Variants in KLHL1 observed in about 807,000 individuals in gnomAD.
KLHL1 encodes the protein kelch like family member 1.
In KLHL1, 47 loss-of-function variants were observed where a neutral mutation model predicts 77.7. The observed-to-expected ratio is 0.60, with a 90% CI of 0.48 to 0.77. The LOEUF (loss-of-function observed/expected upper bound fraction) is 0.77, where lower values mean the gene tolerates loss of function less well. Among genes scored for constraint, KLHL1 ranks in the 30% least tolerant of loss-of-function variants. The probability of loss-of-function intolerance (pLI) is 0.00; values close to 1 mark genes in which losing one functional copy is unlikely to be tolerated. For missense variants in KLHL1, 925 were observed against 910.8 expected, an observed-to-expected ratio of 1.02 and a Z score of -0.20; for synonymous variants, 360 against 325.2, an observed-to-expected ratio of 1.11 and a Z score of -1.15.
chr13:69,884,889 C>T (rs114292927), intron 4 of KLHL1, among the ~76,000 whole-genome samples: 122 of 151,374 alleles, frequency 8.1e-4, no homozygotes, highest in African/African-American at 2.6e-3. Context: ...CTTTTTCAGA[C>T]AGCTCTGATA....
At chr13:69,805,697 A>C (rs73212517) in intron 6 of KLHL1, among the ~76,000 whole-genome samples, 54,718 of 150,792 alleles carry the variant, frequency 0.36, 10,363 homozygotes, top group African/African-American at 0.46. Flanking sequence ...AAAACAAAAA[A>C]AAAAACAAAA....
At chr13:69,812,835 A>G (rs1443240489) in intron 6 of KLHL1, among the ~76,000 whole-genome samples, 2 of 149,132 alleles carry the variant, frequency 1.3e-5, no homozygotes, top group Non-Finnish European at 3.0e-5. Context: ...CAGGTGCTGG[A>G]GAGGATGTGG....
At chr13:69,710,760 T>G (rs912530374) in intron 9 of KLHL1, among the ~76,000 whole-genome samples, 4 of 152,104 alleles carry the variant, frequency 2.6e-5, no homozygotes, top group Non-Finnish European at 5.9e-5. Flanking sequence ...CTGAAAAACT[T>G]GAATTCTAAG....
intron 7 of KLHL1, among the ~76,000 whole-genome samples, chr13:69,794,217 C>T (rs1019591773): frequency 1.3e-5 from 2 of 152,232 alleles, no homozygotes; most frequent in East Asian, 1.9e-4. Flanking sequence ...CTAGAGATAA[C>T]AGCAAATAGG....
At chr13:69,996,909 AATTTTTTTTTT>A (rs1885167729) in intron 1 of KLHL1, among the ~76,000 whole-genome samples, 1 of 106,622 alleles carries the variant, frequency 9.4e-6, no homozygotes, top group South Asian at 2.8e-4. Flanking sequence ...TTATTCATTA[AATTTTTTTTTT>A]TTTTTTTTTT....
chr13:70,027,388 G>GT (rs5804461), intron 1 of KLHL1, among the ~76,000 whole-genome samples: 125,107 of 151,548 alleles, frequency 0.83, 52,446 homozygotes, highest in East Asian at 0.92. Context: ...AGTGAATGTT[G>GT]TTTTTTTCCC....
At chr13:70,100,082 T>A (rs965767758) in intron 1 of KLHL1, among the ~76,000 whole-genome samples, 2 of 152,024 alleles carry the variant, frequency 1.3e-5, no homozygotes, top group African/African-American at 2.4e-5. Context: ...CAAAAAAGCA[T>A]GCAAAGATTT....
intron 6 of KLHL1, among the ~76,000 whole-genome samples, chr13:69,826,078 C>T (rs1878533732): frequency 6.6e-6 from 1 of 152,000 alleles, no homozygotes; most frequent in South Asian, 2.1e-4. Context: ...CACAGAAAGA[C>T]AAATACAGAA....
At chr13:70,015,335 A>C (rs987282621) in intron 1 of KLHL1, among the ~76,000 whole-genome samples, 1 of 152,196 alleles carries the variant, frequency 6.6e-6, no homozygotes, top group African/African-American at 2.4e-5. Context: ...TATAAAGGTA[A>C]GTATTTGTGT....
intron 6 of KLHL1, among the ~76,000 whole-genome samples, chr13:69,797,222 A>G (rs566910566): frequency 5.6e-4 from 86 of 152,330 alleles, no homozygotes; most frequent in African/African-American, 2.0e-3. Context: ...TTGATTCTAT[A>G]GAAACATTGG....
intron 7 of KLHL1, among the ~76,000 whole-genome samples, chr13:69,758,352 G>A (rs918988587): frequency 1.4e-4 from 22 of 151,928 alleles, no homozygotes; most frequent in African/African-American, 3.6e-4. Flanking sequence ...TAAGATTTCC[G>A]TAAACCTTTT....
chr13:69,742,597 T>A (rs1302762477), intron 7 of KLHL1, among the ~76,000 whole-genome samples: 4 of 152,206 alleles, frequency 2.6e-5, no homozygotes, highest in Non-Finnish European at 5.9e-5. Flanking sequence ...ATGAATCAAC[T>A]AAAATGGAAT....
At chr13:69,958,423 A>G (rs976245498) in intron 3 of KLHL1, among the ~76,000 whole-genome samples, 3 of 150,950 alleles carry the variant, frequency 2.0e-5, no homozygotes, top group African/African-American at 7.3e-5. Flanking sequence ...TTACTATATA[A>G]AATTCTATAA....
chr13:69,789,626 T>C (rs1004717960), intron 7 of KLHL1, among the ~76,000 whole-genome samples: 2 of 152,182 alleles, frequency 1.3e-5, no homozygotes, highest in African/African-American at 4.8e-5. Flanking sequence ...CCATTTTTTT[T>C]CCTCTACTGT....
rs1888129295 is a variant in KLHL1 at position 70,108,332 on chromosome 13, C to T, written c.-633G>A. ...CTCTGAGAAAGTCAATTGCTTTCTG[C>T]AATGCCAGAAGAGGTGGTTTTATAT... On this transcript the variant is annotated 5_prime_UTR_variant, in exon 1 of 11. Transcript: ENST00000377844. 1 of 296,762 alleles carries T rather than the reference C, an allele frequency of 3.4e-6. No homozygotes were observed. Among genetic ancestry groups the T allele is most frequent in the Non-Finnish European group, 6.1e-6 (1 of 162,834 alleles). The allele number at this position is 296,762 out of a possible 1,614,324, so 18.4% of individuals were successfully genotyped here.
intron 4 of KLHL1, among the ~76,000 whole-genome samples, chr13:69,938,604 C>A (rs750613095): frequency 1.3e-5 from 2 of 152,016 alleles, no homozygotes; most frequent in African/African-American, 2.4e-5. Context: ...AAGCCAGGAG[C>A]TCCTAAAGTT....
intron 3 of KLHL1, among the ~76,000 whole-genome samples, chr13:69,942,240 C>T (rs1413387168): frequency 6.6e-6 from 1 of 151,896 alleles, no homozygotes; most frequent in African/African-American, 2.4e-5. Flanking sequence ...CAATGGCAGC[C>T]TTTAGTGCCT....
chr13:70,077,686 G>A (rs1350263896), intron 1 of KLHL1, among the ~76,000 whole-genome samples: 1 of 151,960 alleles, frequency 6.6e-6, no homozygotes. Flanking sequence ...AGGATAATGG[G>A]AAGGAGTATA....
At chr13:69,967,900 A>G (rs1001101542) in intron 2 of KLHL1, among the ~76,000 whole-genome samples, 3 of 150,610 alleles carry the variant, frequency 2.0e-5, no homozygotes, top group Non-Finnish European at 3.0e-5. Flanking sequence ...AAAAAAAAAA[A>G]GAAATAAAAA....
Sources: allele counts gnomAD v4.1 joint callset (sites outside exome capture counted in the v4.1 genomes callset), GRCh38; gene constraint gnomAD v4.1.1; transcripts MANE v1.5; gene names NCBI Gene and HGNC (gene_info 2026-07-23, HGNC 2026-07-21).